LPP: variants seen among roughly 807,000 people sequenced by gnomAD.
The protein encoded by LPP is LIM domain containing preferred translocation partner in lipoma, also known as lipoma-preferred partner.
Under a neutral mutation model 60.4 loss-of-function variants are expected in LPP, and 38 were observed. The ratio of observed to expected loss-of-function variants is 0.63; its 90% CI spans 0.49 to 0.83. The LOEUF is 0.83. LPP is among the 40% of genes least tolerant of loss of function. The pLI, the probability that LPP is intolerant of heterozygous loss-of-function variation, is 0.00. For synonymous variants in LPP, 328 were observed against 290.8 expected, an observed-to-expected ratio of 1.13 and a Z score of -1.30; for missense variants, 902 against 783.6, an observed-to-expected ratio of 1.15 and a Z score of -1.80.
chr3:188,316,002 G>T (rs890715361), intron 2 of LPP, among the ~76,000 whole-genome samples: 1 of 152,188 alleles, frequency 6.6e-6, no homozygotes, highest in African/African-American at 2.4e-5. Flanking sequence ...GTCTGGGCGC[G>T]GTGGCTTACG....
At chr3:188,524,972 T>TC (rs11393215) in intron 6 of LPP, among the ~76,000 whole-genome samples, 185 bp downstream of exon 6, 18 of 6,376 alleles carry the variant, frequency 2.8e-3, no homozygotes, top group South Asian at 0.016. Context: ...TTTCTTTCTC[T>TC]TTTTTTTTTT....
chr3:188,341,184 G>T (rs141777835), intron 2 of LPP, among the ~76,000 whole-genome samples: 1 of 152,122 alleles, frequency 6.6e-6, no homozygotes, highest in Admixed American at 6.6e-5. Flanking sequence ...TTAAGACAAT[G>T]AGTTGCTGTT....
At chr3:188,325,993 C>A (rs1029362211) in intron 2 of LPP, among the ~76,000 whole-genome samples, 2 of 151,984 alleles carry the variant, frequency 1.3e-5, no homozygotes, top group Non-Finnish European at 2.9e-5. Context: ...GGAGAAAATA[C>A]CCTCGACTTT....
intron 6 of LPP, among the ~76,000 whole-genome samples, chr3:188,578,617 A>G (rs1237973362): frequency 2.4e-5 from 2 of 83,276 alleles, no homozygotes; most frequent in African/African-American, 7.4e-5. Context: ...TTAGCAACTC[A>G]TTCCCTCACT....
At chr3:188,684,562 T>C (rs1239671253) in intron 7 of LPP, among the ~76,000 whole-genome samples, 1 of 152,186 alleles carries the variant, frequency 6.6e-6, no homozygotes, top group Non-Finnish European at 1.5e-5. Context: ...TGTCCAGGTC[T>C]TATGTCAAAA....
At chr3:188,516,266 C>A (rs918650323) in intron 5 of LPP, among the ~76,000 whole-genome samples, 1 of 152,096 alleles carries the variant, frequency 6.6e-6, no homozygotes, top group South Asian at 2.1e-4. Flanking sequence ...CCCTAACTTA[C>A]AACAGTTTGT....
chr3:188,420,056 G>A (rs1217364978), intron 4 of LPP, among the ~76,000 whole-genome samples: 1 of 151,762 alleles, frequency 6.6e-6, no homozygotes, highest in Non-Finnish European at 1.5e-5. Flanking sequence ...ATGAACATTA[G>A]CTCTGAGGGT....
At chr3:188,415,162 A>G (rs1403596510) in intron 4 of LPP, among the ~76,000 whole-genome samples, 2 of 152,262 alleles carry the variant, frequency 1.3e-5, no homozygotes, top group East Asian at 1.9e-4. Context: ...ATACAATACT[A>G]TTGTCCCTCC....
chr3:188,334,157 T>C (rs1378981971), intron 2 of LPP, among the ~76,000 whole-genome samples: 1 of 152,206 alleles, frequency 6.6e-6, no homozygotes, highest in African/African-American at 2.4e-5. Flanking sequence ...CTTAACATGA[T>C]GTCCTCCAGG....
Position 188,760,170 on chromosome 3 carries a change from T to C in LPP, c.1298T>C (p.Met433Thr). Residue 433 changes from methionine to threonine, a missense_variant, in exon 9 of 12, where the codon ATG becomes ACG. Transcript: ENST00000617246. ...VVGEGTGCTA[M>T]DQVFHVDCFT... ...GGGGAAGGTACAGGATGCACTGCCA[T>C]GGATCAGGTCTTCCACGTGGATTGT... 2 of 1,614,148 alleles carry C rather than the reference T, an allele frequency of 1.2e-6. No homozygotes were observed. The highest frequency in any genetic ancestry group is 2.2e-5 in the East Asian group (1 of 44,878).
At chr3:188,546,785 G>C (rs908008184) in intron 6 of LPP, among the ~76,000 whole-genome samples, 1 of 152,126 alleles carries the variant, frequency 6.6e-6, no homozygotes, top group African/African-American at 2.4e-5. Flanking sequence ...TCAGAGTCCA[G>C]CTTACAAATT....
chr3:188,520,301 C>G (rs572384770), intron 5 of LPP, among the ~76,000 whole-genome samples: 6 of 152,340 alleles, frequency 3.9e-5, no homozygotes, highest in Middle Eastern at 3.4e-3. Flanking sequence ...CCCCTCCCAC[C>G]TTCGTGTACC....
At chr3:188,157,765 G>C (rs905261323) in intron 1 of LPP, among the ~76,000 whole-genome samples, 3 of 152,018 alleles carry the variant, frequency 2.0e-5, no homozygotes, top group Non-Finnish European at 2.9e-5. Flanking sequence ...GCTCTTCACT[G>C]AGAAGGCTCA....
chr3:188,342,079 T>C (rs910335639), intron 3 of LPP, among the ~76,000 whole-genome samples: 2 of 152,192 alleles, frequency 1.3e-5, no homozygotes, highest in Non-Finnish European at 1.5e-5. Context: ...GAGGGCTTTT[T>C]ACCTGGTTTC....
chr3:188,760,064 G>A, intron 8 of LPP, 49 bp from the exon 9 acceptor site: 1 of 1,585,900 alleles, frequency 6.3e-7, no homozygotes, highest in South Asian at 1.1e-5. Context: ...GGCTTTAGCA[G>A]GACTGAAGTA....
intron 2 of LPP, among the ~76,000 whole-genome samples, chr3:188,286,676 G>A (rs6765278): frequency 0.68 from 102,980 of 152,002 alleles, 35,631 homozygotes; most frequent in African/African-American, 0.79. Context: ...ATACTAAAAA[G>A]GAAAGCCAGC....
At chr3:188,590,512 T>TGCAGCGAGCTGAGATC (rs1838451897) in intron 6 of LPP, among the ~76,000 whole-genome samples, 1 of 152,116 alleles carries the variant, frequency 6.6e-6, no homozygotes, top group Non-Finnish European at 1.5e-5. Context: ...AAGCAGAGGT[T>TGCAGCGAGCTGAGATC]GCAGCGAGCT....
intron 1 of LPP, among the ~76,000 whole-genome samples, chr3:188,214,815 C>A (rs147236873): frequency 2.6e-5 from 4 of 152,230 alleles, no homozygotes; most frequent in Non-Finnish European, 5.9e-5. Context: ...GTAAATAATA[C>A]CAGTATGAAT....
At chr3:188,422,913 T>TGTGTGTGTGTGTG (rs1553893973) in intron 4 of LPP, among the ~76,000 whole-genome samples, 55 of 133,874 alleles carry the variant, frequency 4.1e-4, no homozygotes, top group African/African-American at 1.5e-3. Context: ...GGTGTCTTCT[T>TGTGTGTGTGTGTG]TGTGTGTGTG....
Sources: gnomAD v4.1 joint callset for allele counts (sites outside exome capture counted in the v4.1 genomes callset) on GRCh38, gnomAD v4.1.1 for gene constraint, MANE v1.5 for transcripts, NCBI Gene and HGNC (gene_info 2026-07-23, HGNC 2026-07-21) for gene names.